The following TYW1 variants were observed in gnomAD, a reference collection of about 807,000 sequenced individuals.
The protein encoded by TYW1 is S-adenosyl-L-methionine-dependent tRNA 4-demethylwyosine synthase TYW1.
In TYW1, 46 loss-of-function variants were observed where a neutral mutation model predicts 96.2. That is an observed-to-expected ratio of 0.48 (90% CI 0.38 to 0.61). The LOEUF (loss-of-function observed/expected upper bound fraction) is 0.61, where lower values mean the gene tolerates loss of function less well. Among genes scored for constraint, TYW1 ranks in the 20% least tolerant of loss-of-function variants. TYW1 has a pLI of 0.00. For synonymous variants in TYW1, 274 were observed against 323.0 expected (o/e 0.85, Z 1.63); for missense variants, 684 against 909.6 (o/e 0.75, Z 3.19).
At chr7:67,135,971 C>T (rs184440416) in intron 13 of TYW1, among the ~76,000 whole-genome samples, 1 of 152,204 alleles carries the variant, frequency 6.6e-6, no homozygotes, top group Non-Finnish European at 1.5e-5. Context: ...TCTGGTACTG[C>T]TAATCCTGAG....
chr7:67,219,658 C>A (rs1801315695), intron 15 of TYW1, among the ~76,000 whole-genome samples: 1 of 150,478 alleles, frequency 6.6e-6, no homozygotes, highest in African/African-American at 2.4e-5. Context: ...TCTAGGTTAT[C>A]CATTTGTTGG....
chr7:67,124,894 G>A (rs915246321), intron 13 of TYW1, among the ~76,000 whole-genome samples: 6 of 152,046 alleles, frequency 3.9e-5, no homozygotes, highest in African/African-American at 1.2e-4. Context: ...GAGTGCAATG[G>A]CGTGATCTTT....
chr7:67,106,462 C>T (rs546375398), intron 12 of TYW1, among the ~76,000 whole-genome samples: 1 of 152,188 alleles, frequency 6.6e-6, no homozygotes, highest in Non-Finnish European at 1.5e-5. Context: ...GTAATGCTGA[C>T]GACACCTTGT....
At chr7:67,021,207 T>G (rs960133597) in intron 6 of TYW1, among the ~76,000 whole-genome samples, 1 of 152,298 alleles carries the variant, frequency 6.6e-6, no homozygotes, top group Non-Finnish European at 1.5e-5. Context: ...CCCAGTTGAG[T>G]GAGCTATTGA....
At chr7:67,073,678 G>A (rs1328751277) in intron 10 of TYW1, among the ~76,000 whole-genome samples, 4 of 148,604 alleles carry the variant, frequency 2.7e-5, no homozygotes, top group Non-Finnish European at 5.9e-5. Flanking sequence ...GGAGGCTGAG[G>A]CAGGAGAACT....
At chr7:67,131,955 C>T (rs139287004) in intron 13 of TYW1, among the ~76,000 whole-genome samples, 19,994 of 152,144 alleles carry the variant, frequency 0.13, 1,607 homozygotes, top group East Asian at 0.29. Flanking sequence ...GCTTTTATTC[C>T]GGCTGCACTG....
At chr7:67,036,048 T>C (rs1311527818) in intron 7 of TYW1, among the ~76,000 whole-genome samples, 5 of 149,902 alleles carry the variant, frequency 3.3e-5, no homozygotes, top group Non-Finnish European at 7.4e-5. Context: ...TCCTTTTTTT[T>C]TTTTTTTTGA....
intron 10 of TYW1, 112 bp from the exon 11 acceptor site, chr7:67,083,318 G>A: frequency 9.7e-7 from 1 of 1,032,876 alleles, no homozygotes; most frequent in Middle Eastern, 2.1e-4. Flanking sequence ...GAACTCTTAG[G>A]AGGAAACCAG....
intron 1 of TYW1, among the ~76,000 whole-genome samples, chr7:66,997,535 C>A (rs543706199): frequency 1.3e-5 from 2 of 152,280 alleles, no homozygotes; most frequent in East Asian, 3.9e-4. Context: ...AGTGAAGATA[C>A]AATTTTATAT....
chr7:67,190,143 A>C (rs1040318020), intron 14 of TYW1, among the ~76,000 whole-genome samples: 2 of 151,892 alleles, frequency 1.3e-5, no homozygotes, highest in African/African-American at 4.8e-5. Context: ...TGCAGAACGC[A>C]CCCTGCAAAA....
chr7:67,232,163 A>G (rs916365689), intron 15 of TYW1, among the ~76,000 whole-genome samples: 1 of 151,220 alleles, frequency 6.6e-6, no homozygotes, highest in Admixed American at 6.6e-5. Flanking sequence ...CCTGGGATGT[A>G]GAGGTTGCAG....
intron 10 of TYW1, among the ~76,000 whole-genome samples, chr7:67,076,719 G>A (rs10280810): frequency 0.24 from 36,780 of 150,148 alleles, 4,736 homozygotes; most frequent in African/African-American, 0.32. Context: ...CAGGTGATCC[G>A]CCTCCCTTGG....
chr7:67,079,207 G>C (rs554032013), intron 10 of TYW1, among the ~76,000 whole-genome samples: 44 of 146,552 alleles, frequency 3.0e-4, no homozygotes, highest in Non-Finnish European at 5.3e-4. Context: ...TGTGTTTTAG[G>C]TTTGGTGGAA....
chr7:67,000,802 TAG>T (rs1282646455), intron 3 of TYW1, among the ~76,000 whole-genome samples: 7 of 152,156 alleles, frequency 4.6e-5, no homozygotes, highest in Non-Finnish European at 4.4e-5. Context: ...GAAAATAAAT[TAG>T]AGGAAAAATC....
chr7:67,021,379 G>A (rs568161313), intron 6 of TYW1, among the ~76,000 whole-genome samples: 24 of 152,392 alleles, frequency 1.6e-4, no homozygotes, highest in African/African-American at 4.1e-4. Flanking sequence ...TACTTTCTGA[G>A]TGACTGATAG....
At chr7:67,083,772 C>A (rs1205267709) in intron 11 of TYW1, among the ~76,000 whole-genome samples, 5 of 152,224 alleles carry the variant, frequency 3.3e-5, no homozygotes, top group Non-Finnish European at 7.3e-5. Flanking sequence ...TGCTGGCTCA[C>A]GCCTGTAATC....
chr7:67,204,504 CTTT>C (rs1205875770), intron 15 of TYW1, among the ~76,000 whole-genome samples: 1 of 151,238 alleles, frequency 6.6e-6, no homozygotes, highest in African/African-American at 2.4e-5. Flanking sequence ...TCCTTCTTCT[CTTT>C]TTTTATTTTC....
At chr7:66,999,945 C>A (rs1431074353) in intron 3 of TYW1, among the ~76,000 whole-genome samples, 1 of 148,858 alleles carries the variant, frequency 6.7e-6, no homozygotes, top group Non-Finnish European at 1.5e-5. Flanking sequence ...TTTTTTTTTT[C>A]TTTTTTTAAA....
intron 13 of TYW1, among the ~76,000 whole-genome samples, chr7:67,170,148 GA>G (rs938459771): frequency 3.2e-4 from 48 of 152,214 alleles, no homozygotes; most frequent in African/African-American, 9.6e-4. Flanking sequence ...ATTTGCCTGT[GA>G]ATAACTAGTT....
Sources: gnomAD v4.1 joint callset for allele counts (sites outside exome capture counted in the v4.1 genomes callset) on GRCh38, gnomAD v4.1.1 for gene constraint, MANE v1.5 for transcripts, NCBI Gene and HGNC (gene_info 2026-07-23, HGNC 2026-07-21) for gene names.